The following CDKN2B-AS1 variants were observed in gnomAD, a reference collection of about 807,000 sequenced individuals.
CDKN2B-AS1 encodes CDKN2B and CDKN2A antisense cis and trans regulatory RNA 1, also known as CDKN2B antisense RNA 1 (non-protein coding).
chr9:22,023,796 T>A (rs10965212), intron 1 of CDKN2B-AS1, among the ~76,000 whole-genome samples: 88,070 of 152,048 alleles, frequency 0.58, 26,451 homozygotes, highest in African/African-American at 0.7. Context: ...GTCAGTTACA[T>A]TCTTCTGTAT....
intron 4 of CDKN2B-AS1, among the ~76,000 whole-genome samples, chr9:22,065,155 C>G (rs1009740976): frequency 6.6e-6 from 1 of 152,180 alleles, no homozygotes; most frequent in African/African-American, 2.4e-5. Flanking sequence ...GCATTCTTCC[C>G]TGGAGTTTGA....
At chr9:22,109,603 T>C (rs1825751456) in intron 4 of CDKN2B-AS1, among the ~76,000 whole-genome samples, 1 of 152,194 alleles carries the variant, frequency 6.6e-6, no homozygotes. Flanking sequence ...TGTATGCCCA[T>C]CAAATGTATT....
At chr9:22,088,108 T>G (rs1247847322) in intron 4 of CDKN2B-AS1, among the ~76,000 whole-genome samples, 1 of 152,154 alleles carries the variant, frequency 6.6e-6, no homozygotes, top group Non-Finnish European at 1.5e-5. Flanking sequence ...TCTAAAATCA[T>G]CTGGTGTGCT....
intron 4 of CDKN2B-AS1, among the ~76,000 whole-genome samples, chr9:22,063,303 C>G (rs987269357): frequency 6.6e-6 from 1 of 152,222 alleles, no homozygotes; most frequent in South Asian, 2.1e-4. Flanking sequence ...TTTTGTGACA[C>G]CACATTCCCC....
chr9:22,019,953 T>C lies in CDKN2B-AS1; in HGVS notation n.29+24792T>C, dbSNP rs1197478525. Among the ~76,000 whole-genome samples the C allele has an allele frequency of 5.3e-5, 8 of 152,274 alleles. No individual in the cohort carries two copies. The East Asian group carries it at 1.5e-3, about 29-fold the overall frequency. On this transcript the variant is annotated intron_variant and non_coding_transcript_variant, in intron 1 of 4. Coordinates refer to ENST00000650946, the Ensembl canonical transcript of CDKN2B-AS1. ...TGTCATGAGGGTTTGTTGTACAGAT[T>C]GTTTCATCACCCAGGTATTAAGTCT... is the stretch of plus-strand genomic sequence containing the variant.
chr9:22,098,231 T>C (rs559506215), intron 4 of CDKN2B-AS1, among the ~76,000 whole-genome samples: 1 of 151,664 alleles, frequency 6.6e-6, no homozygotes, highest in South Asian at 2.1e-4. Context: ...TATATTTATA[T>C]ATGTGTGTGT....
chr9:22,096,474 A>G (rs993368559), intron 4 of CDKN2B-AS1: 1 of 152,218 alleles, frequency 6.6e-6, no homozygotes, highest in African/African-American at 2.4e-5. Context: ...ATGGTATGGA[A>G]GGTGCTATGG....
intron 4 of CDKN2B-AS1, among the ~76,000 whole-genome samples, chr9:22,101,152 T>G (rs1051033160): frequency 6.6e-6 from 1 of 152,212 alleles, no homozygotes; most frequent in Non-Finnish European, 1.5e-5. Context: ...TTCAACAGAC[T>G]GCGCTTCTTA....
chr9:22,009,677 A>C (rs1821404380), intron 1 of CDKN2B-AS1, among the ~76,000 whole-genome samples: 1 of 152,196 alleles, frequency 6.6e-6, no homozygotes, highest in African/African-American at 2.4e-5. Flanking sequence ...GACCGAGAGA[A>C]AGTCATTCAA....
At chr9:22,126,732 C>T (rs943172993) in intron 4 of CDKN2B-AS1, among the ~76,000 whole-genome samples, 12 of 152,052 alleles carry the variant, frequency 7.9e-5, no homozygotes, top group Admixed American at 1.3e-4. Context: ...GCCACTGCAC[C>T]CGGCTAATTT....
chr9:22,113,099 C>T (rs191926897), intron 4 of CDKN2B-AS1, among the ~76,000 whole-genome samples: 3 of 152,320 alleles, frequency 2.0e-5, no homozygotes, highest in Admixed American at 6.5e-5. Flanking sequence ...TGTATTATCT[C>T]GCAGTTCCTG....
rs75223234 is a variant in CDKN2B-AS1 at position 22,123,680 on chromosome 9, G to A, written n.439-3423G>A. On this transcript the variant is annotated intron_variant and non_coding_transcript_variant, in intron 4 of 4. Coordinates refer to ENST00000650946, the Ensembl canonical transcript of CDKN2B-AS1. Reference sequence around the variant, plus strand: ...ATTGTTTAACTAGAAGAAGAAGACAGTCAGAGAGAAGTGAGGGCTTACTTT... The same window carrying A: ...ATTGTTTAACTAGAAGAAGAAGACAATCAGAGAGAAGTGAGGGCTTACTTT... Among the ~76,000 whole-genome samples the A allele has an allele frequency of 9.9e-4, 150 of 151,632 alleles. 1 individual carries two copies. The East Asian group carries it at 0.027, about 28-fold the overall frequency.
At chr9:22,104,691 G>GT (rs1350122333) in intron 4 of CDKN2B-AS1, among the ~76,000 whole-genome samples, 1 of 152,000 alleles carries the variant, frequency 6.6e-6, no homozygotes, top group Non-Finnish European at 1.5e-5. Context: ...CCATTTGTTT[G>GT]TTTTTTGTTC....
At chr9:22,043,135 A>G (rs1164110168) in intron 1 of CDKN2B-AS1, among the ~76,000 whole-genome samples, 1 of 152,120 alleles carries the variant, frequency 6.6e-6, no homozygotes, top group East Asian at 1.9e-4. Flanking sequence ...TAATAGCCAT[A>G]TCAATTATTC....
At chr9:22,084,033 C>G (rs978530668) in intron 4 of CDKN2B-AS1, among the ~76,000 whole-genome samples, 9 of 152,282 alleles carry the variant, frequency 5.9e-5, no homozygotes, top group African/African-American at 2.2e-4. Context: ...TTTACATTAC[C>G]TTTCTTAACA....
intron 1 of CDKN2B-AS1, among the ~76,000 whole-genome samples, chr9:22,015,970 A>G (rs529822869): frequency 5.9e-5 from 9 of 152,034 alleles, no homozygotes; most frequent in African/African-American, 2.2e-4. Context: ...AATTTGTTTG[A>G]GTTCATTGTA....
intron 1 of CDKN2B-AS1, among the ~76,000 whole-genome samples, chr9:22,035,605 T>C (rs1160737701): frequency 1.3e-5 from 2 of 152,118 alleles, no homozygotes; most frequent in African/African-American, 2.4e-5. Flanking sequence ...TCTGTTCTAC[T>C]TGTGGAATGT....
At chr9:22,019,316 G>A (rs1031038419) in intron 1 of CDKN2B-AS1, among the ~76,000 whole-genome samples, 1 of 152,206 alleles carries the variant, frequency 6.6e-6, no homozygotes. Flanking sequence ...TTAGGGGAGA[G>A]GCAAGAGTGG....
intron 1 of CDKN2B-AS1, chr9:22,029,289 G>A (rs1822368219): frequency 1.1e-5 from 7 of 612,684 alleles, no homozygotes; most frequent in East Asian, 2.7e-5. Context: ...GAGAGAGAAA[G>A]CTATTACCGT....
Sources: allele counts gnomAD v4.1 joint callset (sites outside exome capture counted in the v4.1 genomes callset), GRCh38; gene constraint gnomAD v4.1.1; transcripts MANE v1.5; gene names NCBI Gene and HGNC (gene_info 2026-07-23, HGNC 2026-07-21).